The following FNDC3B variants were observed in gnomAD, a reference collection of about 807,000 sequenced individuals.
FNDC3B encodes the protein fibronectin type III domain containing 3B, also known as fibronectin type III domain-containing protein 3B.
FNDC3B carries 12 observed loss-of-function variants against 151.5 expected under a neutral mutation model. That is an observed-to-expected ratio of 0.08 (90% CI 0.05 to 0.13). The LOEUF (loss-of-function observed/expected upper bound fraction) is 0.13, where lower values mean the gene tolerates loss of function less well. FNDC3B is among the 10% of genes least tolerant of loss of function. The pLI, the probability that FNDC3B is intolerant of heterozygous loss-of-function variation, is 1.00. For missense variants in FNDC3B, 1,214 were observed against 1,505.3 expected (o/e 0.81, Z 3.20); for synonymous variants, 528 against 549.0 (o/e 0.96, Z 0.54).
Position 172,143,676 on chromosome 3 carries a change from C to T in FNDC3B, c.187+10130C>T, listed in dbSNP as rs547249422. Among the ~76,000 whole-genome samples the T allele has an allele frequency of 1.5e-4, 23 of 151,994 alleles. No homozygotes were observed. The East Asian group carries it at 2.1e-3, about 14-fold the overall frequency. Reference sequence around the variant, plus strand: ...CTATAATCCCAGCACTTTGGGAGGCCGAGGCGGGCGGATCATGAGGTCAAG... The same window carrying T: ...CTATAATCCCAGCACTTTGGGAGGCTGAGGCGGGCGGATCATGAGGTCAAG... On this transcript the variant is annotated intron_variant, in intron 3 of 25. Transcript: ENST00000415807.
chr3:172,125,965 A>C (rs1156599083), intron 2 of FNDC3B, among the ~76,000 whole-genome samples: 1 of 152,212 alleles, frequency 6.6e-6, no homozygotes, highest in African/African-American at 2.4e-5. Flanking sequence ...TGTTCTGCTA[A>C]AAATCACTTA....
intron 3 of FNDC3B, among the ~76,000 whole-genome samples, chr3:172,191,584 C>G (rs887426578): frequency 6.6e-6 from 1 of 152,154 alleles, no homozygotes; most frequent in Non-Finnish European, 1.5e-5. Context: ...GCAGCCTCAA[C>G]CTCCTGGGCT....
chr3:172,156,159 A>G (rs1031186217), intron 3 of FNDC3B, among the ~76,000 whole-genome samples: 1 of 152,158 alleles, frequency 6.6e-6, no homozygotes, highest in Admixed American at 6.5e-5. Flanking sequence ...TTTAAATGAA[A>G]CTTCAGAGCC....
chr3:172,378,564 G>T, intron 24 of FNDC3B, 128 bp downstream of exon 24: 1 of 917,178 alleles, frequency 1.1e-6, no homozygotes, highest in South Asian at 2.3e-5. Flanking sequence ...ACATTCTAAA[G>T]AAGATTGAGC....
chr3:172,118,386 C>G (rs1428806852), intron 2 of FNDC3B, among the ~76,000 whole-genome samples: 1 of 152,182 alleles, frequency 6.6e-6, no homozygotes. Flanking sequence ...GTCGGGGGAC[C>G]CGTGAAGAGT....
intron 1 of FNDC3B, among the ~76,000 whole-genome samples, chr3:172,111,790 A>C (rs1465671345): frequency 6.6e-6 from 1 of 152,224 alleles, no homozygotes; most frequent in Non-Finnish European, 1.5e-5. Flanking sequence ...TAAAGGGTTC[A>C]TTGACCAAAT....
chr3:172,277,758 C>T (rs929865302), intron 6 of FNDC3B, among the ~76,000 whole-genome samples: 1 of 152,236 alleles, frequency 6.6e-6, no homozygotes, highest in African/African-American at 2.4e-5. Flanking sequence ...TGATTGGCTG[C>T]ATAGCAGCTG....
intron 4 of FNDC3B, among the ~76,000 whole-genome samples, chr3:172,241,561 A>C (rs554444608): frequency 6.9e-6 from 1 of 144,972 alleles, no homozygotes; most frequent in East Asian, 1.9e-4. Flanking sequence ...CATGGATGGC[A>C]GCAAAAAAAA....
chr3:172,282,047 G>C (rs545496292), intron 6 of FNDC3B, among the ~76,000 whole-genome samples: 2 of 152,296 alleles, frequency 1.3e-5, no homozygotes, highest in Non-Finnish European at 2.9e-5. Flanking sequence ...GGCACGCTTA[G>C]ATCATGCTTA....
intron 3 of FNDC3B, among the ~76,000 whole-genome samples, chr3:172,178,915 A>G (rs1723743391): frequency 6.6e-6 from 1 of 152,176 alleles, no homozygotes; most frequent in Non-Finnish European, 1.5e-5. Context: ...TTTGATTTTC[A>G]TATTTCTGCC....
intron 1 of FNDC3B, among the ~76,000 whole-genome samples, chr3:172,111,613 C>CT (rs922639706): frequency 6.6e-6 from 1 of 151,906 alleles, no homozygotes; most frequent in African/African-American, 2.4e-5. Flanking sequence ...CAAGGGAGGA[C>CT]TTTTTTTGGG....
chr3:172,254,446 T>C (rs962947548), intron 6 of FNDC3B, among the ~76,000 whole-genome samples: 1 of 152,186 alleles, frequency 6.6e-6, no homozygotes, highest in African/African-American at 2.4e-5. Context: ...ATAAGGATGG[T>C]TAACCAAGTT....
chr3:172,094,601 A>G (rs1450851865), intron 1 of FNDC3B, among the ~76,000 whole-genome samples: 1 of 152,110 alleles, frequency 6.6e-6, no homozygotes, highest in Non-Finnish European at 1.5e-5. Flanking sequence ...TTTTTGAGTT[A>G]TTTAAGTAAT....
chr3:172,333,841 C>T (rs1181081082), intron 14 of FNDC3B, among the ~76,000 whole-genome samples: 1 of 152,186 alleles, frequency 6.6e-6, no homozygotes, highest in Non-Finnish European at 1.5e-5. Context: ...CTTTGCTCTT[C>T]TGCCCATTTA....
At chr3:172,280,965 G>T (rs1729679661) in intron 6 of FNDC3B, among the ~76,000 whole-genome samples, 1 of 151,472 alleles carries the variant, frequency 6.6e-6, no homozygotes, top group South Asian at 2.1e-4. Context: ...TACTAAAAAT[G>T]CTTTATTTCC....
chr3:172,214,996 T>C (rs1008985908), intron 3 of FNDC3B, among the ~76,000 whole-genome samples: 3 of 152,248 alleles, frequency 2.0e-5, no homozygotes, highest in African/African-American at 7.2e-5. Flanking sequence ...TACATGATTA[T>C]TACTTGTCAT....
intron 4 of FNDC3B, among the ~76,000 whole-genome samples, chr3:172,241,116 G>A (rs1727468621): frequency 6.6e-6 from 1 of 152,162 alleles, no homozygotes; most frequent in South Asian, 2.1e-4. Flanking sequence ...TTTGTTCACA[G>A]AGGCTAAACG....
At chr3:172,314,682 A>T (rs1250855812) in intron 11 of FNDC3B, among the ~76,000 whole-genome samples, 6 of 152,206 alleles carry the variant, frequency 3.9e-5, no homozygotes, top group African/African-American at 1.2e-4. Context: ...CAAGCCTCTT[A>T]AAAAAAGACT....
At chr3:172,317,189 C>CTTT (rs562405291) in intron 11 of FNDC3B, 8 of 387,990 alleles carry the variant, frequency 2.1e-5, no homozygotes, top group African/African-American at 1.1e-4. Context: ...TTCTTTTTTT[C>CTTT]TTTTTTTTTT....
Sources: allele counts gnomAD v4.1 joint callset (sites outside exome capture counted in the v4.1 genomes callset), GRCh38; gene constraint gnomAD v4.1.1; transcripts MANE v1.5; gene names NCBI Gene and HGNC (gene_info 2026-07-23, HGNC 2026-07-21).